GLUD1: variants seen among roughly 807,000 people sequenced by gnomAD.
GLUD1 encodes glutamate dehydrogenase 1, mitochondrial.
GLUD1 carries 22 observed loss-of-function variants against 56.0 expected under a neutral mutation model. The ratio of observed to expected loss-of-function variants is 0.39; its 90% CI spans 0.28 to 0.56. The LOEUF (loss-of-function observed/expected upper bound fraction) is 0.56, where lower values mean the gene tolerates loss of function less well. Ranked by LOEUF, GLUD1 falls within the 20% of genes least tolerant of loss-of-function variation. The pLI, the probability that GLUD1 is intolerant of heterozygous loss-of-function variation, is 0.58. For missense variants in GLUD1, 451 were observed against 732.0 expected (o/e 0.62, Z 4.43); for synonymous variants, 223 against 269.9 (o/e 0.83, Z 1.70).
At chr10:87,075,936 C>T (rs372464524) in intron 3 of GLUD1, 32 bp downstream of exon 3, 2 of 1,400,132 alleles carry the variant, frequency 1.4e-6, no homozygotes, top group African/African-American at 1.4e-5. Context: ...ACAACAACAA[C>T]AATAAAAAAC....
chr10:87,060,584 T>C, intron 8 of GLUD1, 104 bp downstream of exon 8: 1 of 1,385,252 alleles, frequency 7.2e-7, no homozygotes, highest in Non-Finnish European at 1.0e-6. Context: ...TATGTGCCAA[T>C]AAAGCTGCTA....
At chr10:87,056,323 G>A (rs960644627) in intron 11 of GLUD1, among the ~76,000 whole-genome samples, 10 of 132,288 alleles carry the variant, frequency 7.6e-5, no homozygotes, top group Admixed American at 1.6e-4. Context: ...ATGGAGTTTC[G>A]CTCTTGTTGC....
intron 4 of GLUD1, among the ~76,000 whole-genome samples, chr10:87,069,514 C>CAAAAAAAAAAAAAAAAAAAAAAAAAAAAA (rs374019349): frequency 1.6e-5 from 1 of 62,620 alleles, no homozygotes; most frequent in Non-Finnish European, 3.3e-5. Flanking sequence ...GACTCTGTTT[C>CAAAAAAAAAAAAAAAAAAAAAAAAAAAAA]AAAAAAAAAA....
intron 4 of GLUD1, 100 bp from the exon 5 acceptor site, chr10:87,068,257 G>T: frequency 1.3e-6 from 1 of 746,234 alleles, no homozygotes. Flanking sequence ...AAGTTACCAT[G>T]GCTAGAAAAC....
intron 1 of GLUD1, among the ~76,000 whole-genome samples, chr10:87,086,049 C>T (rs1841373132): frequency 6.6e-6 from 1 of 152,130 alleles, no homozygotes; most frequent in African/African-American, 2.4e-5. Context: ...CCTCAGCTAT[C>T]CAGTTTCATA....
chr10:87,094,264 G>A lies in GLUD1; in HGVS notation c.445+61C>T, dbSNP rs1396100697. The A allele has an allele frequency of 2.3e-5, 35 of 1,537,696 alleles. No individual in the cohort carries two copies. Among genetic ancestry groups the A allele is most frequent in the Non-Finnish European group, 3.1e-5 (35 of 1,137,342 alleles). ...AGCAGCGGCCCCGCACCGGCAGGAG[G>A]CCGGAGGGGAGGGCCGCAGGGGAGG... On this transcript the variant is annotated intron_variant, in intron 1 of 12. Transcript: ENST00000277865. This position sits in a 1 kb window ranked among gnomAD's most constrained non-coding sequence, Gnocchi z 6.6.
At chr10:87,074,439 G>C (rs923255549) in intron 4 of GLUD1, 112 bp downstream of exon 4, 1 of 732,984 alleles carries the variant, frequency 1.4e-6, no homozygotes, top group Non-Finnish European at 2.5e-6. Flanking sequence ...AGGCGGACGA[G>C]ATCGCACCAC....
chr10:87,094,529 C>A lies in GLUD1; in HGVS notation c.241G>T (p.Val81Leu). The change falls in exon 1 of 13, where the codon GTG (valine) becomes TTG (leucine). Residue 81 changes from valine to leucine, a missense_variant. Val to Leu is a conservative substitution (Grantham distance 32). Around this residue, in one of 4 missense-constraint regions of GLUD1, gnomAD observed 158 missense variants for 189.7 expected, o/e 0.83. Transcript: ENST00000277865. This position sits in a 1 kb window ranked among gnomAD's most constrained non-coding sequence, Gnocchi z 6.6. The stretch of plus-strand genomic sequence containing the variant: ...AGGTCCTCCACCAGCTTGTCCTCCA[C>A]GATGCTGGCGCCGCGATCGAAGAAG... ...EGFFDRGASI[V>L]EDKLVEDLRT... is the part of the protein sequence containing the mutation. 6.2e-7 allele frequency: 1 copy of A among 1,612,788 alleles called. No homozygotes were observed. The highest frequency in any genetic ancestry group is 8.5e-7 in the Non-Finnish European group (1 of 1,179,954).
chr10:87,064,299 A>C (rs1332933713), intron 5 of GLUD1, among the ~76,000 whole-genome samples: 1 of 152,204 alleles, frequency 6.6e-6, no homozygotes, highest in Non-Finnish European at 1.5e-5. Context: ...TGGGCTAAGT[A>C]GGGCTTCCCT....
intron 1 of GLUD1, among the ~76,000 whole-genome samples, chr10:87,084,004 C>T (rs1183350181): frequency 6.6e-6 from 1 of 152,196 alleles, no homozygotes; most frequent in Admixed American, 6.5e-5. Flanking sequence ...GGGCTTGGTA[C>T]ACAGGTGTCA....
At chr10:87,078,085 T>G (rs908489805) in intron 1 of GLUD1, among the ~76,000 whole-genome samples, 2 of 152,224 alleles carry the variant, frequency 1.3e-5, no homozygotes, top group African/African-American at 4.8e-5. Flanking sequence ...GATAATTTAT[T>G]TATTGTACAC....
At chr10:87,060,428 G>GT (rs377112615) in intron 8 of GLUD1, 187 bp from the exon 9 acceptor site, 3,592 of 516,492 alleles carry the variant, frequency 7.0e-3, no homozygotes, top group East Asian at 0.016. Context: ...ATTTATCTAG[G>GT]TTTTTTTTTT....
intron 4 of GLUD1, among the ~76,000 whole-genome samples, chr10:87,071,515 G>A (rs1284972380): frequency 6.6e-6 from 1 of 152,100 alleles, no homozygotes; most frequent in Non-Finnish European, 1.5e-5. Context: ...ATAGAGAACA[G>A]GTATGAGGCA....
At chr10:87,084,955 C>A (rs1564563558) in intron 1 of GLUD1, among the ~76,000 whole-genome samples, 1 of 152,136 alleles carries the variant, frequency 6.6e-6, no homozygotes, top group Non-Finnish European at 1.5e-5. Context: ...TCTCAATGAC[C>A]ACCCACAAGT....
At chr10:87,083,662 G>T (rs1015633419) in intron 1 of GLUD1, among the ~76,000 whole-genome samples, 2 of 152,188 alleles carry the variant, frequency 1.3e-5, no homozygotes, top group Middle Eastern at 3.2e-3. Context: ...TCCAGAAATG[G>T]AGGAAAGTAA....
intron 11 of GLUD1, among the ~76,000 whole-genome samples, chr10:87,054,407 A>G (rs1040741877): frequency 6.6e-6 from 1 of 152,180 alleles, no homozygotes; most frequent in Non-Finnish European, 1.5e-5. Flanking sequence ...GCAAGAGGCA[A>G]TTGAGAAGAA....
rs1554905181 is a variant in GLUD1 at position 87,056,130 on chromosome 10, A to AAAACAAAACAAAAC, written c.1494+1560_1494+1561insGTTTTGTTTTGTTT. On this transcript the variant is annotated intron_variant, in intron 11 of 12. Coordinates refer to ENST00000277865, the MANE Select transcript of GLUD1 (RefSeq NM_005271.5). ...GACTCTGTCTCAAAAAAAAAAAAAA[A>AAAACAAAACAAAAC]AAAAAAAAAACCAAAAAAAAAGAAG... Among the ~76,000 whole-genome samples, 661 of 147,374 alleles carry AAAACAAAACAAAAC rather than the reference A, an allele frequency of 4.5e-3. 9 individuals are homozygous for AAAACAAAACAAAAC. The highest frequency in any genetic ancestry group is 0.016 in the African/African-American group (646 of 40,106).
intron 11 of GLUD1, among the ~76,000 whole-genome samples, chr10:87,057,267 G>A (rs974059723): frequency 6.6e-6 from 1 of 152,150 alleles, no homozygotes; most frequent in Non-Finnish European, 1.5e-5. Flanking sequence ...GATTACAGGC[G>A]TGTGCCACCA....
intron 4 of GLUD1, among the ~76,000 whole-genome samples, chr10:87,069,704 T>A (rs1846177100): frequency 1.3e-5 from 2 of 152,126 alleles, no homozygotes; most frequent in Admixed American, 1.3e-4. Flanking sequence ...GAACAAGCTG[T>A]GATGTAATGG....
Sources: gnomAD v4.1 joint callset for allele counts (sites outside exome capture counted in the v4.1 genomes callset) on GRCh38, gnomAD v4.1.1 for gene constraint, gnomAD v4.1.1 regional missense constraint, Gnocchi (gnomAD v3.1) non-coding constraint, MANE v1.5 for transcripts, NCBI Gene and HGNC (gene_info 2026-07-23, HGNC 2026-07-21) for gene names.